The following KCNMA1 variants were observed in gnomAD, a reference collection of about 807,000 sequenced individuals.
The protein encoded by KCNMA1 is Calcium-activated potassium channel subunit alpha-1.
In KCNMA1, 29 loss-of-function variants were observed where a neutral mutation model predicts 140.0. The observed-to-expected ratio is 0.21, with a 90% CI of 0.15 to 0.28. KCNMA1 has a LOEUF of 0.28. KCNMA1 is among the 10% of genes least tolerant of loss of function. The pLI is 1.00. For missense variants in KCNMA1, 880 were observed against 1,602.2 expected (o/e 0.55, Z 7.70); for synonymous variants, 612 against 611.9 (o/e 1.00, Z 0.00).
chr10:77,218,552 T>C (rs2048536022), intron 3 of KCNMA1, among the ~76,000 whole-genome samples: 1 of 152,122 alleles, frequency 6.6e-6, no homozygotes, highest in African/African-American at 2.4e-5. Context: ...AGAAGTCTCC[T>C]CTGAGCTAAG....
At chr10:76,940,378 T>C (rs1270069050) in intron 23 of KCNMA1, among the ~76,000 whole-genome samples, 1 of 152,216 alleles carries the variant, frequency 6.6e-6, no homozygotes, top group Non-Finnish European at 1.5e-5. Flanking sequence ...CCTAATAACA[T>C]GCAGTGGCAG....
At chr10:77,531,570 G>A (rs1407159025) in intron 1 of KCNMA1, among the ~76,000 whole-genome samples, 2 of 152,180 alleles carry the variant, frequency 1.3e-5, no homozygotes, top group Non-Finnish European at 2.9e-5. Flanking sequence ...TAGTCACAAG[G>A]GACTCCGGCT....
Position 77,351,621 on chromosome 10 carries a change from C to T in KCNMA1, c.540+52241G>A, listed in dbSNP as rs549656662. Reference sequence around the variant, plus strand: ...TGTTATCCTCTGTTTTTCCTTCCTCCCAGGGGGAAAAGAATTCAGAACCCT... The same window carrying T: ...TGTTATCCTCTGTTTTTCCTTCCTCTCAGGGGGAAAAGAATTCAGAACCCT... On this transcript the variant is annotated intron_variant, in intron 2 of 27. Coordinates refer to ENST00000286628, the MANE Select transcript of KCNMA1 (RefSeq NM_001161352.2). 2.0e-5 allele frequency among the ~76,000 whole-genome samples: 3 copies of T among 152,240 alleles called. No individual in the cohort carries two copies. In the East Asian group the frequency reaches 5.8e-4, roughly 29 times the overall value.
intron 20 of KCNMA1, among the ~76,000 whole-genome samples, chr10:76,965,669 C>T (rs952400961): frequency 6.6e-6 from 1 of 152,174 alleles, no homozygotes; most frequent in African/African-American, 2.4e-5. Flanking sequence ...GTCCCTATGT[C>T]TTCCATCATC....
chr10:77,184,157 A>G (rs889745774), intron 4 of KCNMA1, among the ~76,000 whole-genome samples: 2 of 152,038 alleles, frequency 1.3e-5, no homozygotes, highest in African/African-American at 4.8e-5. Flanking sequence ...CTCAGGGCTC[A>G]GCTAAGTGAA....
At chr10:76,969,773 T>A (rs917991288) in intron 20 of KCNMA1, among the ~76,000 whole-genome samples, 1 of 152,214 alleles carries the variant, frequency 6.6e-6, no homozygotes, top group African/African-American at 2.4e-5. Context: ...ACAGAATTTT[T>A]TCAGCTCTAT....
intron 15 of KCNMA1, among the ~76,000 whole-genome samples, chr10:77,030,860 A>G (rs913182265): frequency 2.8e-4 from 42 of 152,340 alleles, no homozygotes; most frequent in Non-Finnish European, 5.7e-4. Context: ...AATGCCTTAT[A>G]GAAGCCCCTT....
At chr10:77,482,359 T>C (rs192496311) in intron 1 of KCNMA1, among the ~76,000 whole-genome samples, 1 of 152,098 alleles carries the variant, frequency 6.6e-6, no homozygotes, top group African/African-American at 2.4e-5. Context: ...CAAGAGAATC[T>C]ACAAAAAGGA....
intron 1 of KCNMA1, among the ~76,000 whole-genome samples, chr10:77,406,587 T>C (rs670898): frequency 0.78 from 118,758 of 151,990 alleles, 46,390 homozygotes; most frequent in East Asian, 0.81. Context: ...CTTGGAAGCC[T>C]ACTTTGGGGA....
intron 2 of KCNMA1, among the ~76,000 whole-genome samples, chr10:77,317,522 A>T (rs908710793): frequency 5.3e-5 from 8 of 152,206 alleles, no homozygotes; most frequent in African/African-American, 1.9e-4. Context: ...TCGCAGAGGG[A>T]GATGAGGTTC....
Position 76,914,986 on chromosome 10 carries a change from C to T in KCNMA1, c.2966G>A (p.Arg989His), listed in dbSNP as rs369646039. ...PDNSPVHGMLRQPSITTGVNI... is the reference protein window; with the variant it reads ...PDNSPVHGMLHQPSITTGVNI... Reference sequence around the variant, plus strand: ...GACCCCAGTTGTGATGGATGGTTGACGTAACATCCCGTGCACTGGGCTGTT... The same window carrying T: ...GACCCCAGTTGTGATGGATGGTTGATGTAACATCCCGTGCACTGGGCTGTT... The change falls in exon 24 of 28, where the codon CGT (arginine) becomes CAT (histidine). Residue 989 changes from arginine (R) to histidine (H), a missense_variant. Transcript: ENST00000286628. 2.2e-5 allele frequency: 35 copies of T among 1,613,630 alleles called. No homozygotes were observed. Among genetic ancestry groups the T allele is most frequent in the Admixed American group, 5.0e-5 (3 of 60,002 alleles).
At chr10:77,478,156 C>T (rs1264399162) in intron 1 of KCNMA1, among the ~76,000 whole-genome samples, 1 of 152,170 alleles carries the variant, frequency 6.6e-6, no homozygotes, top group African/African-American at 2.4e-5. Context: ...CTAATATTTA[C>T]CCTGCTTGCG....
chr10:77,388,326 A>G (rs1003177490), intron 2 of KCNMA1, among the ~76,000 whole-genome samples: 5 of 152,082 alleles, frequency 3.3e-5, no homozygotes, highest in African/African-American at 9.7e-5. Flanking sequence ...TTCTGCCACA[A>G]AGCTCCTGGT....
intron 5 of KCNMA1, among the ~76,000 whole-genome samples, chr10:77,179,230 C>T (rs1036821788): frequency 2.0e-5 from 3 of 152,164 alleles, no homozygotes; most frequent in African/African-American, 7.2e-5. Flanking sequence ...TGCTGAGCGA[C>T]CCATCAGCAA....
chr10:77,003,393 C>T (rs529562709), intron 18 of KCNMA1, among the ~76,000 whole-genome samples: 4 of 152,104 alleles, frequency 2.6e-5, no homozygotes, highest in African/African-American at 4.8e-5. Flanking sequence ...CCCAGACATC[C>T]CAAACAAACA....
intron 1 of KCNMA1, among the ~76,000 whole-genome samples, chr10:77,415,387 G>T (rs2096718581): frequency 6.6e-6 from 1 of 152,174 alleles, no homozygotes; most frequent in African/African-American, 2.4e-5. Context: ...GGATGACCCT[G>T]GCAGGGTCCA....
intron 3 of KCNMA1, among the ~76,000 whole-genome samples, chr10:77,246,434 G>A (rs1054738290): frequency 2.0e-5 from 3 of 152,266 alleles, no homozygotes; most frequent in East Asian, 1.9e-4. Flanking sequence ...TCCCTCCAAC[G>A]ACTTGCCCTC....
chr10:77,174,111 T>C (rs2098732716), intron 5 of KCNMA1, among the ~76,000 whole-genome samples: 3 of 152,164 alleles, frequency 2.0e-5, no homozygotes, highest in African/African-American at 7.2e-5. Context: ...GCCATTTCAG[T>C]AGCAGCAGAG....
intron 19 of KCNMA1, among the ~76,000 whole-genome samples, chr10:76,982,328 G>GA (rs11317483): frequency 0.018 from 2,600 of 144,386 alleles, 67 homozygotes; most frequent in African/African-American, 0.059. Flanking sequence ...AATTGTTCAG[G>GA]AAAAAAAAAA....
Sources: gnomAD v4.1 joint callset for allele counts (sites outside exome capture counted in the v4.1 genomes callset) on GRCh38, gnomAD v4.1.1 for gene constraint, MANE v1.5 for transcripts, NCBI Gene and HGNC (gene_info 2026-07-23, HGNC 2026-07-21) for gene names.